Variants in SHROOM2 observed in about 807,000 individuals in gnomAD.
SHROOM2 encodes protein Shroom2.
SHROOM2 carries 33 observed loss-of-function variants against 75.9 expected under a neutral mutation model. The ratio of observed to expected loss-of-function variants is 0.43; its 90% CI spans 0.33 to 0.58. The LOEUF (loss-of-function observed/expected upper bound fraction) is 0.58. SHROOM2 is among the 20% of genes least tolerant of loss of function. The pLI is 0.04. For synonymous variants in SHROOM2, 655 were observed against 663.6 expected, an observed-to-expected ratio of 0.99 and a Z score of 0.20; for missense variants, 1,434 against 1,461.2, an observed-to-expected ratio of 0.98 and a Z score of 0.30.
chrX:9,790,821 C>T (rs750527936), intron 1 of SHROOM2, among the ~76,000 whole-genome samples: 4 of 111,430 alleles, frequency 3.6e-5, no homozygotes, highest in Admixed American at 1.9e-4. Context: ...CTTTTCCCAG[C>T]CTGTGAATTA....
chrX:9,861,559 G>A (rs1041688229), intron 1 of SHROOM2, among the ~76,000 whole-genome samples: 3 of 112,236 alleles, frequency 2.7e-5, no homozygotes, highest in African/African-American at 6.5e-5. Context: ...TGAGAGTGGA[G>A]CAGCATAGCC....
intron 3 of SHROOM2, among the ~76,000 whole-genome samples, chrX:9,892,585 A>G (rs1036882821): frequency 1.7e-4 from 19 of 112,179 alleles, no homozygotes; most frequent in African/African-American, 6.1e-4. Context: ...ATCTGTGTGG[A>G]AACAGTGCTC....
At chrX:9,831,483 A>C (rs1031543180) in intron 1 of SHROOM2, among the ~76,000 whole-genome samples, 9 of 111,228 alleles carry the variant, frequency 8.1e-5, no homozygotes, top group Non-Finnish European at 1.3e-4. Context: ...GCATGGAGAA[A>C]CCCTGTCTCT....
At chrX:9,852,378 G>A (rs1054190580) in intron 1 of SHROOM2, among the ~76,000 whole-genome samples, 8 of 112,694 alleles carry the variant, frequency 7.1e-5, no homozygotes, top group African/African-American at 2.6e-4. Flanking sequence ...ACCTGCAGGC[G>A]TTTTCCAGCT....
chrX:9,888,479 T>C (rs1239604087), intron 2 of SHROOM2, among the ~76,000 whole-genome samples: 3 of 111,842 alleles, frequency 2.7e-5, no homozygotes, highest in Non-Finnish European at 5.6e-5. Context: ...GGTCTTGCTC[T>C]GTCCCCCAGG....
chrX:9,793,170 T>C (rs2083676672), intron 1 of SHROOM2, among the ~76,000 whole-genome samples: 1 of 112,350 alleles, frequency 8.9e-6, no homozygotes, highest in Non-Finnish European at 1.9e-5. Flanking sequence ...CAAAACGTCT[T>C]AGCTGATTTC....
chrX:9,817,315 T>C (rs1298461550), intron 1 of SHROOM2, among the ~76,000 whole-genome samples: 1 of 109,742 alleles, frequency 9.1e-6, no homozygotes, highest in Non-Finnish European at 1.9e-5. Context: ...TCTAAACATT[T>C]TGGAATTGTA....
intron 5 of SHROOM2, among the ~76,000 whole-genome samples, chrX:9,916,623 T>TA (rs2084493287): frequency 8.9e-6 from 1 of 112,480 alleles, no homozygotes; most frequent in Non-Finnish European, 1.9e-5. Flanking sequence ...TAGACATTTT[T>TA]AAAATTCTGT....
chrX:9,944,525 G>A (rs969680545), intron 8 of SHROOM2, 116 bp from the exon 9 acceptor site: 6 of 728,715 alleles, frequency 8.2e-6, no homozygotes, highest in South Asian at 3.1e-5. Flanking sequence ...GAGCTTTCAC[G>A]CAGGTCAGCT....
chrX:9,876,988 T>C (rs1400779090), intron 2 of SHROOM2, among the ~76,000 whole-genome samples: 1 of 112,061 alleles, frequency 8.9e-6, no homozygotes, highest in African/African-American at 3.2e-5. Flanking sequence ...ATTTGAATAG[T>C]GGTTCACGGA....
At chrX:9,850,814 C>T (rs1474158818) in intron 1 of SHROOM2, among the ~76,000 whole-genome samples, 2 of 86,377 alleles carry the variant, frequency 2.3e-5, no homozygotes, top group South Asian at 5.4e-4. Flanking sequence ...CCTGGGCTAG[C>T]GGATAAGACT....
intron 1 of SHROOM2, among the ~76,000 whole-genome samples, chrX:9,866,547 T>C (rs898031272): frequency 1.8e-5 from 2 of 110,976 alleles, no homozygotes; most frequent in African/African-American, 6.6e-5. Context: ...GCCTCTGGAG[T>C]TGGTGCATTA....
chrX:9,828,637 T>C (rs1158504491), intron 1 of SHROOM2, among the ~76,000 whole-genome samples: 1 of 109,008 alleles, frequency 9.2e-6, no homozygotes. Flanking sequence ...GTTAATGTTA[T>C]TTTTTTTTGT....
Position 9,949,416 on chromosome X carries a change from C to T in SHROOM2, c.*2479C>T, listed in dbSNP as rs1484812005. The T allele has an allele frequency of 3.0e-6, 1 of 330,898 alleles. No individual in the cohort carries two copies. The allele number at this position is 330,898 out of a possible 1,213,427, so 27.3% of individuals were successfully genotyped here. A position where few individuals can be genotyped will look rare whatever the true frequency, so the allele number is the denominator to read the frequency against. On this transcript the variant is annotated 3_prime_UTR_variant, in exon 10 of 10. Coordinates refer to ENST00000380913, the MANE Select transcript of SHROOM2 (RefSeq NM_001649.4). ...AACAGATCATCCTGCTTGACTGTAA[C>T]AAAATAAATAGTGTCTCTTCAAGTG...
chrX:9,868,904 A>G (rs1488748577), intron 1 of SHROOM2, among the ~76,000 whole-genome samples: 1 of 107,849 alleles, frequency 9.3e-6, no homozygotes, highest in Non-Finnish European at 1.9e-5. Flanking sequence ...AAAGTTCACT[A>G]TATATCACTC....
chrX:9,855,955 A>G (rs2084067946), intron 1 of SHROOM2, among the ~76,000 whole-genome samples: 1 of 109,053 alleles, frequency 9.2e-6, no homozygotes, highest in African/African-American at 3.3e-5. Flanking sequence ...GCTGAGGCTG[A>G]GTGCTGCTGT....
At chrX:9,931,406 C>T (rs1286272807) in intron 5 of SHROOM2, among the ~76,000 whole-genome samples, 1 of 111,419 alleles carries the variant, frequency 9.0e-6, no homozygotes, top group Non-Finnish European at 1.9e-5. Context: ...TCTAGCTACT[C>T]CGCAGGCAGG....
At chrX:9,858,060 G>T (rs1057276244) in intron 1 of SHROOM2, among the ~76,000 whole-genome samples, 1 of 111,835 alleles carries the variant, frequency 8.9e-6, no homozygotes, top group Non-Finnish European at 1.9e-5. Flanking sequence ...AGGCTCTGCT[G>T]CCTAGGCTGT....
intron 1 of SHROOM2, among the ~76,000 whole-genome samples, chrX:9,864,824 C>CAAAA (rs61611534): frequency 0.51 from 48,513 of 95,379 alleles, 13,007 homozygotes; most frequent in Non-Finnish European, 0.73. Context: ...GACTCCGTCT[C>CAAAA]AAAAAATAAA....
Sources: allele counts gnomAD v4.1 joint callset (sites outside exome capture counted in the v4.1 genomes callset), GRCh38; gene constraint gnomAD v4.1.1; transcripts MANE v1.5; gene names NCBI Gene and HGNC (gene_info 2026-07-23, HGNC 2026-07-21).